TDRD3: variants seen among roughly 807,000 people sequenced by gnomAD.
The protein encoded by TDRD3 is tudor domain-containing protein 3.
A neutral mutation model predicts 86.7 loss-of-function variants in TDRD3; 45 were observed. That is an observed-to-expected ratio of 0.52 (90% CI 0.41 to 0.67). The LOEUF (loss-of-function observed/expected upper bound fraction) is 0.67. Among genes scored for constraint, TDRD3 ranks in the 30% least tolerant of loss-of-function variants. TDRD3 has a pLI of 0.00. For synonymous variants in TDRD3, 298 were observed against 301.7 expected (o/e 0.99, Z 0.13); for missense variants, 814 against 889.0 (o/e 0.92, Z 1.07).
chr13:60,553,851 A>G (rs567148227), intron 12 of TDRD3, among the ~76,000 whole-genome samples: 1 of 152,312 alleles, frequency 6.6e-6, no homozygotes, highest in African/African-American at 2.4e-5. Context: ...ACAGAGTCAA[A>G]CTATATCACA....
chr13:60,430,342 A>G (rs796083153), intron 1 of TDRD3, among the ~76,000 whole-genome samples: 28 of 152,176 alleles, frequency 1.8e-4, no homozygotes, highest in African/African-American at 6.3e-4. Context: ...CTATGAGTGC[A>G]GTAGTCAGTG....
At chr13:60,527,208 T>C (rs1957461118) in intron 10 of TDRD3, among the ~76,000 whole-genome samples, 1 of 152,210 alleles carries the variant, frequency 6.6e-6, no homozygotes, top group South Asian at 2.1e-4. Flanking sequence ...TTTATTCCTG[T>C]TGTTTTAAAC....
intron 2 of TDRD3, among the ~76,000 whole-genome samples, chr13:60,443,058 T>C (rs1042730930): frequency 1.3e-5 from 2 of 152,038 alleles, no homozygotes; most frequent in African/African-American, 4.8e-5. Context: ...TGTAAATGTT[T>C]TCATGAACTG....
At chr13:60,442,990 T>C (rs894119208) in intron 2 of TDRD3, among the ~76,000 whole-genome samples, 7 of 152,088 alleles carry the variant, frequency 4.6e-5, no homozygotes, top group African/African-American at 1.7e-4. Context: ...AAAATTTGTA[T>C]GTATTCTGTT....
At chr13:60,397,683 G>A (rs1226825464) in intron 1 of TDRD3, among the ~76,000 whole-genome samples, 2 of 148,742 alleles carry the variant, frequency 1.3e-5, no homozygotes, top group South Asian at 2.1e-4. Flanking sequence ...GAGGCCGGGG[G>A]CCGCGAGCCG....
chr13:60,473,230 TC>T (rs1466085541), intron 5 of TDRD3, among the ~76,000 whole-genome samples: 1 of 152,172 alleles, frequency 6.6e-6, no homozygotes, highest in Non-Finnish European at 1.5e-5. Context: ...AGGATCCCAC[TC>T]CCAAGATAAC....
At chr13:60,496,251 A>G (rs913156027) in intron 8 of TDRD3, among the ~76,000 whole-genome samples, 2 of 136,106 alleles carry the variant, frequency 1.5e-5, no homozygotes, top group East Asian at 2.4e-4. Flanking sequence ...CAGATGGTCT[A>G]TTGTGGGACC....
At chr13:60,412,644 A>G (rs913021457) in intron 1 of TDRD3, among the ~76,000 whole-genome samples, 2 of 152,066 alleles carry the variant, frequency 1.3e-5, no homozygotes, top group Non-Finnish European at 2.9e-5. Flanking sequence ...TTAGTTATTA[A>G]TTAGTATTTG....
intron 1 of TDRD3, among the ~76,000 whole-genome samples, chr13:60,427,548 A>G (rs2137899053): frequency 6.6e-6 from 1 of 152,190 alleles, no homozygotes; most frequent in Non-Finnish European, 1.5e-5. Context: ...GTGTAGGTAG[A>G]CAGAGTTTGG....
Position 60,528,722 on chromosome 13 carries a change from A to G in TDRD3, c.1497A>G (p.Arg499=), listed in dbSNP as rs202244614. 3 of 1,611,978 alleles carry G rather than the reference A, an allele frequency of 1.9e-6. No individual in the cohort carries two copies. In the East Asian group the frequency reaches 6.7e-5, roughly 36 times the overall value. Residue 499 remains arginine, a synonymous_variant, in exon 11 of 14, where the codon AGA becomes AGG. Transcript: ENST00000377881. ...ATAGTGATGGTGCTTTTAAAAAAAG[A>G]GATAACTCTATGCAAAGCAGATCAG... ...SQHSDGAFKK[R]DNSMQSRSGK... is the part of the protein sequence containing the mutation.
chr13:60,397,249 A>C lies in TDRD3; in HGVS notation c.-116A>C. 2 of 557,260 alleles carry C rather than the reference A, an allele frequency of 3.6e-6. No individual in the cohort carries two copies. The highest frequency in any genetic ancestry group is 5.7e-6 in the Non-Finnish European group (2 of 352,324). The allele number at this position is 557,260 out of a possible 1,614,324, so 34.5% of individuals were successfully genotyped here. ...AGCATGCCCAGTTGCAGAGCCGACC[A>C]GAGGAGTTTTTTCTTTTCTTTTCTT... On this transcript the variant is annotated 5_prime_UTR_variant, in exon 1 of 14. Transcript: ENST00000377881.
At chr13:60,463,509 T>C (rs182112226) in intron 4 of TDRD3, among the ~76,000 whole-genome samples, 1 of 151,024 alleles carries the variant, frequency 6.6e-6, no homozygotes, top group African/African-American at 2.4e-5. Context: ...AAATAGAAAA[T>C]TGGGATTAAA....
At chr13:60,527,047 G>A (rs1018117616) in intron 10 of TDRD3, among the ~76,000 whole-genome samples, 1 of 151,964 alleles carries the variant, frequency 6.6e-6, no homozygotes, top group Non-Finnish European at 1.5e-5. Context: ...GTTGCCCAGG[G>A]TGGTCTCGAA....
intron 4 of TDRD3, among the ~76,000 whole-genome samples, chr13:60,466,278 T>C (rs1454341684): frequency 1.3e-5 from 2 of 152,174 alleles, no homozygotes; most frequent in East Asian, 3.8e-4. Context: ...AATTCAACTT[T>C]GTAACAAAAA....
intron 10 of TDRD3, among the ~76,000 whole-genome samples, chr13:60,513,475 G>A (rs551268507): frequency 6.6e-5 from 10 of 152,140 alleles, no homozygotes; most frequent in African/African-American, 2.4e-4. Context: ...CTATCACATT[G>A]TCAGTCTGCA....
At chr13:60,512,144 A>G (rs1320060398) in intron 10 of TDRD3, among the ~76,000 whole-genome samples, 1 of 152,166 alleles carries the variant, frequency 6.6e-6, no homozygotes, top group African/African-American at 2.4e-5. Context: ...TCACGGTGGA[A>G]GGCAAGGAGG....
chr13:60,400,080 C>G (rs1005515005), intron 1 of TDRD3, among the ~76,000 whole-genome samples: 1 of 152,192 alleles, frequency 6.6e-6, no homozygotes, highest in African/African-American at 2.4e-5. Context: ...CTGATTTGAA[C>G]TTGAATGTTC....
intron 5 of TDRD3, among the ~76,000 whole-genome samples, chr13:60,467,713 A>G (rs1171299320): frequency 6.6e-6 from 1 of 152,240 alleles, no homozygotes; most frequent in Non-Finnish European, 1.5e-5. Flanking sequence ...GAATATATGT[A>G]TACCTGTCTT....
At chr13:60,491,114 CA>C (rs35355225) in intron 7 of TDRD3, among the ~76,000 whole-genome samples, 1,649 of 75,668 alleles carry the variant, frequency 0.022, 20 homozygotes, top group African/African-American at 0.044. Flanking sequence ...AACTCCATCT[CA>C]AAAAAAAAAA....
Sources: gnomAD v4.1 joint callset for allele counts (sites outside exome capture counted in the v4.1 genomes callset) on GRCh38, gnomAD v4.1.1 for gene constraint, MANE v1.5 for transcripts, NCBI Gene and HGNC (gene_info 2026-07-23, HGNC 2026-07-21) for gene names.